Variants in ARHGAP15 observed in about 807,000 individuals in gnomAD.
The protein encoded by ARHGAP15 is Rho GTPase activating protein 15.
ARHGAP15 carries 51 observed loss-of-function variants against 63.7 expected under a neutral mutation model. The observed-to-expected ratio is 0.80, with a 90% CI of 0.64 to 1.01. The LOEUF (loss-of-function observed/expected upper bound fraction) is 1.01, where lower values mean the gene tolerates loss of function less well. Ranked by LOEUF, ARHGAP15 falls within the 50% of genes least tolerant of loss-of-function variation. ARHGAP15 has a pLI of 0.00. For synonymous variants in ARHGAP15, 191 were observed against 193.8 expected (o/e 0.99, Z 0.12); for missense variants, 560 against 564.6 (o/e 0.99, Z 0.08).
At chr2:143,328,666 T>C (rs554638850) in intron 6 of ARHGAP15, among the ~76,000 whole-genome samples, 4 of 152,140 alleles carry the variant, frequency 2.6e-5, no homozygotes, top group Non-Finnish European at 4.4e-5. Context: ...CAAACCACCA[T>C]GGCACATGTG....
chr2:143,517,623 C>A (rs6724159), intron 9 of ARHGAP15, among the ~76,000 whole-genome samples: 124,445 of 152,086 alleles, frequency 0.82, 51,035 homozygotes, highest in South Asian at 0.84. Context: ...TGGGTTTTGC[C>A]TTCTAAGCAA....
At chr2:143,541,988 A>G (rs1695085023) in intron 10 of ARHGAP15, among the ~76,000 whole-genome samples, 1 of 152,188 alleles carries the variant, frequency 6.6e-6, no homozygotes, top group African/African-American at 2.4e-5. Context: ...GAGCCTACAG[A>G]GGCAGGCAGG....
At chr2:143,410,560 A>G (rs1275783529) in intron 6 of ARHGAP15, among the ~76,000 whole-genome samples, 1 of 152,222 alleles carries the variant, frequency 6.6e-6, no homozygotes, top group Non-Finnish European at 1.5e-5. Flanking sequence ...AGAGTGGTAT[A>G]CATATGTGTC....
intron 12 of ARHGAP15, among the ~76,000 whole-genome samples, chr2:143,659,075 C>A (rs761800170): frequency 1.3e-5 from 2 of 152,170 alleles, no homozygotes; most frequent in Non-Finnish European, 2.9e-5. Flanking sequence ...ACTTTCACAG[C>A]CCTCGTATCT....
intron 6 of ARHGAP15, chr2:143,350,859 A>AG (rs1254233215): frequency 2.0e-5 from 3 of 150,588 alleles, no homozygotes; most frequent in Admixed American, 1.3e-4. Context: ...AAAAAAAAAA[A>AG]AAAGAAATTA....
At chr2:143,457,918 C>T (rs1055588948) in intron 8 of ARHGAP15, among the ~76,000 whole-genome samples, 3 of 151,580 alleles carry the variant, frequency 2.0e-5, no homozygotes, top group African/African-American at 7.3e-5. Context: ...AAAACAATTA[C>T]ATAAGAAATA....
chr2:143,638,697 A>AC (rs1305135614), intron 12 of ARHGAP15, among the ~76,000 whole-genome samples: 5 of 150,298 alleles, frequency 3.3e-5, no homozygotes, highest in African/African-American at 1.2e-4. Flanking sequence ...TAAAAAAAAA[A>AC]AAAAACTCAG....
At chr2:143,511,545 C>A (rs1346852505) in intron 9 of ARHGAP15, among the ~76,000 whole-genome samples, 2 of 151,402 alleles carry the variant, frequency 1.3e-5, no homozygotes, top group Non-Finnish European at 2.9e-5. Flanking sequence ...AAGTCAGGAG[C>A]TCAGGGTTTT....
intron 6 of ARHGAP15, among the ~76,000 whole-genome samples, chr2:143,333,397 C>A (rs1200350734): frequency 6.6e-6 from 1 of 152,158 alleles, no homozygotes; most frequent in Non-Finnish European, 1.5e-5. Context: ...TCATTCGAGC[C>A]CTTCTTGTCC....
chr2:143,638,254 A>G (rs1225608819), intron 12 of ARHGAP15, among the ~76,000 whole-genome samples: 2 of 144,242 alleles, frequency 1.4e-5, no homozygotes, highest in African/African-American at 5.0e-5. Flanking sequence ...ACCAACCCAA[A>G]TGTCCAACAA....
At position 143,492,925 on chromosome 2, in the gene ARHGAP15, G is replaced by C. The variant is rs578082036; in HGVS notation, c.826+5430G>C. Among the ~76,000 whole-genome samples the C allele has an allele frequency of 2.6e-5, 4 of 152,072 alleles. 1 individual carries two copies. The South Asian group carries it at 8.3e-4, about 32-fold the overall frequency. On this transcript the variant is annotated intron_variant, in intron 9 of 13. Coordinates refer to ENST00000295095, the MANE Select transcript of ARHGAP15 (RefSeq NM_018460.4). ...ACAAAAAAATTAGCCAGCCGTGGTG[G>C]CGGGCACCTGTAGTCCCAGCTACTC...
At chr2:143,409,265 A>C (rs927469716) in intron 6 of ARHGAP15, among the ~76,000 whole-genome samples, 17 of 152,044 alleles carry the variant, frequency 1.1e-4, no homozygotes, top group Admixed American at 4.6e-4. Context: ...AACAACAACA[A>C]CACAACAACC....
chr2:143,174,394 C>A (rs543572909), intron 2 of ARHGAP15, among the ~76,000 whole-genome samples: 1 of 152,198 alleles, frequency 6.6e-6, no homozygotes, highest in African/African-American at 2.4e-5. Context: ...GTTCCAACAT[C>A]TCTCCCATCC....
intron 9 of ARHGAP15, among the ~76,000 whole-genome samples, chr2:143,505,600 G>A (rs529085775): frequency 3.8e-4 from 58 of 152,272 alleles, no homozygotes; most frequent in African/African-American, 1.3e-3. Context: ...ATTTCTTTGC[G>A]TGGAATAACT....
chr2:143,631,035 C>T (rs1399919477), intron 12 of ARHGAP15, among the ~76,000 whole-genome samples: 1 of 152,064 alleles, frequency 6.6e-6, no homozygotes, highest in African/African-American at 2.4e-5. Flanking sequence ...CTTCCTGTCA[C>T]TATCGATACA....
intron 9 of ARHGAP15, among the ~76,000 whole-genome samples, chr2:143,488,868 G>C (rs1405520712): frequency 6.6e-6 from 1 of 152,112 alleles, no homozygotes; most frequent in Non-Finnish European, 1.5e-5. Context: ...GTAAAACGAG[G>C]ACCTTGCTTT....
At chr2:143,330,878 T>C (rs577059109) in intron 6 of ARHGAP15, among the ~76,000 whole-genome samples, 31 of 152,368 alleles carry the variant, frequency 2.0e-4, no homozygotes, top group African/African-American at 5.8e-4. Flanking sequence ...ATTATATGCA[T>C]GCTCTTTAGA....
intron 6 of ARHGAP15, among the ~76,000 whole-genome samples, chr2:143,403,500 A>G (rs972270466): frequency 6.6e-6 from 1 of 151,918 alleles, no homozygotes; most frequent in Non-Finnish European, 1.5e-5. Flanking sequence ...AATAGTTACT[A>G]TTTTCAAAAA....
intron 12 of ARHGAP15, among the ~76,000 whole-genome samples, chr2:143,627,009 C>T (rs1474296979): frequency 1.3e-5 from 2 of 152,106 alleles, no homozygotes; most frequent in Non-Finnish European, 2.9e-5. Flanking sequence ...CCAAGAGAAA[C>T]CTGTATCTTC....
Sources: gnomAD v4.1 joint callset for allele counts (sites outside exome capture counted in the v4.1 genomes callset) on GRCh38, gnomAD v4.1.1 for gene constraint, MANE v1.5 for transcripts, NCBI Gene and HGNC (gene_info 2026-07-23, HGNC 2026-07-21) for gene names.